The following PPP4R4 variants were observed in gnomAD, a reference collection of about 807,000 sequenced individuals.
The protein encoded by PPP4R4 is protein phosphatase 4 regulatory subunit 4, also known as serine/threonine-protein phosphatase 4 regulatory subunit 4.
PPP4R4 carries 70 observed loss-of-function variants against 121.8 expected under a neutral mutation model. The ratio of observed to expected loss-of-function variants is 0.57; its 90% CI spans 0.47 to 0.70. The LOEUF (loss-of-function observed/expected upper bound fraction) is 0.70, where lower values mean the gene tolerates loss of function less well. Among genes scored for constraint, PPP4R4 ranks in the 30% least tolerant of loss-of-function variants. PPP4R4 has a pLI of 0.00. For synonymous variants in PPP4R4, 348 were observed against 355.7 expected (o/e 0.98, Z 0.24); for missense variants, 875 against 1,033.6 (o/e 0.85, Z 2.10).
At chr14:94,180,340 ACAAATCAT>A (rs1270191286) in intron 2 of PPP4R4, among the ~76,000 whole-genome samples, 1 of 152,240 alleles carries the variant, frequency 6.6e-6, no homozygotes, top group Non-Finnish European at 1.5e-5. Context: ...TAGAATCTTC[ACAAATCAT>A]AATTAAGCAT....
At chr14:94,226,388 T>C (rs1891702170) in intron 3 of PPP4R4, among the ~76,000 whole-genome samples, 1 of 152,154 alleles carries the variant, frequency 6.6e-6, no homozygotes, top group Non-Finnish European at 1.5e-5. Flanking sequence ...TATCTCCCTT[T>C]GTTATTTCTG....
At chr14:94,276,091 T>C (rs1894624581) in intron 24 of PPP4R4, among the ~76,000 whole-genome samples, 1 of 152,148 alleles carries the variant, frequency 6.6e-6, no homozygotes, top group Admixed American at 6.5e-5. Context: ...CTTAAATATT[T>C]AAGAGAGGGG....
chr14:94,257,677 T>C (rs995324084), intron 17 of PPP4R4, among the ~76,000 whole-genome samples: 4 of 104,740 alleles, frequency 3.8e-5, no homozygotes, highest in African/African-American at 1.6e-4. Flanking sequence ...ACACACACAC[T>C]TGTTTCTACC....
intron 3 of PPP4R4, among the ~76,000 whole-genome samples, chr14:94,220,120 G>A (rs1891305799): frequency 6.6e-6 from 1 of 152,194 alleles, no homozygotes. Context: ...TACTCAGGAA[G>A]CTGAGGCAGG....
At position 94,250,260 on chromosome 14, in the gene PPP4R4, T is replaced by C; in HGVS notation, c.1700T>C (p.Ile567Thr). ...AAACAAGAACAGAGACATGAGGTCA[T>C]TCAAAAATTAATTGAACGTAAGTAA... ...NRKQEQRHEVIQKLIEQLGQG... is the reference protein window; with the variant it reads ...NRKQEQRHEVTQKLIEQLGQG... Residue 567 changes from isoleucine to threonine, a missense_variant, in exon 15 of 25, where the codon ATT becomes ACT. Transcript: ENST00000304338. 1 of 1,604,378 alleles carries C rather than the reference T, an allele frequency of 6.2e-7. No individual in the cohort carries two copies. The highest frequency in any genetic ancestry group is 2.2e-5 in the East Asian group (1 of 44,786).
chr14:94,275,731 A>G (rs556924415), intron 24 of PPP4R4, among the ~76,000 whole-genome samples: 8 of 152,332 alleles, frequency 5.3e-5, no homozygotes, highest in African/African-American at 1.9e-4. Context: ...AACCTTAGGG[A>G]ATCAACAGGA....
chr14:94,225,544 A>C (rs1267422886), intron 3 of PPP4R4, among the ~76,000 whole-genome samples: 2 of 151,854 alleles, frequency 1.3e-5, no homozygotes, highest in African/African-American at 4.8e-5. Flanking sequence ...GTTAAGTAAG[A>C]CTCTACTGCC....
At chr14:94,245,496 A>C (rs1042747263) in intron 12 of PPP4R4, 91 bp from the exon 13 acceptor site, 33 of 584,078 alleles carry the variant, frequency 5.6e-5, no homozygotes, top group Admixed American at 1.0e-4. Flanking sequence ...AAAAAAAAAA[A>C]CCACTACTAC....
chr14:94,194,939 A>G (rs1038607001), intron 2 of PPP4R4, among the ~76,000 whole-genome samples: 6 of 152,066 alleles, frequency 3.9e-5, no homozygotes, highest in Admixed American at 1.3e-4. Context: ...AACTCCTTAT[A>G]CTTTTCTCTA....
At chr14:94,193,694 G>A (rs1889720497) in intron 2 of PPP4R4, among the ~76,000 whole-genome samples, 1 of 152,072 alleles carries the variant, frequency 6.6e-6, no homozygotes, top group Non-Finnish European at 1.5e-5. Context: ...AATGTGATGA[G>A]GGTGAAATGT....
chr14:94,268,841 C>A (rs1007920417), intron 23 of PPP4R4, among the ~76,000 whole-genome samples: 2 of 152,144 alleles, frequency 1.3e-5, no homozygotes, highest in East Asian at 3.9e-4. Context: ...CCGGGTCCCT[C>A]CCACAACACA....
intron 2 of PPP4R4, among the ~76,000 whole-genome samples, chr14:94,177,372 C>T (rs1458714605): frequency 1.3e-5 from 2 of 152,176 alleles, no homozygotes; most frequent in African/African-American, 2.4e-5. Context: ...TGGGTGTTTA[C>T]TTAGAGAATA....
Position 94,237,807 on chromosome 14 carries a change from CT to C in PPP4R4, c.853+126del, listed in dbSNP as rs1279581674. 1.0e-5 allele frequency: 13 copies of C among 1,250,302 alleles called. No individual in the cohort carries two copies. In the African/African-American group the frequency reaches 1.5e-4, roughly 15 times the overall value. The allele number at this position is 1,250,302 out of a possible 1,614,324, so 77.5% of individuals were successfully genotyped here. On this transcript the variant is annotated intron_variant, in intron 8 of 24. Coordinates refer to ENST00000304338, the MANE Select transcript of PPP4R4 (RefSeq NM_058237.2). ...ATGTTAAGCCTCCCTTCCTCTCCCT[CT>C]TTTTATGATTCATTCTGTTTTCGTG... is the stretch of plus-strand genomic sequence containing the variant.
At chr14:94,264,762 C>A in intron 19 of PPP4R4, 116 bp from the exon 20 acceptor site, 2 of 782,810 alleles carry the variant, frequency 2.6e-6, no homozygotes, top group Non-Finnish European at 4.3e-6. Flanking sequence ...GAAAAAAATA[C>A]TTCTTTTAGG....
At chr14:94,176,914 A>G (rs1888709636) in intron 2 of PPP4R4, among the ~76,000 whole-genome samples, 1 of 151,672 alleles carries the variant, frequency 6.6e-6, no homozygotes, top group Non-Finnish European at 1.5e-5. Flanking sequence ...TTTTTTTTCC[A>G]GAATCAGGTT....
rs1566683340 is a variant in PPP4R4, at chr14:94,241,830, A to G, written c.1019A>G (p.Tyr340Cys). 1 of 1,598,834 alleles carries G rather than the reference A, an allele frequency of 6.3e-7. No individual in the cohort carries two copies. Among genetic ancestry groups the G allele is most frequent in the Non-Finnish European group, 8.5e-7 (1 of 1,175,856 alleles). Residue 340 changes from tyrosine to cysteine, a missense_variant, in exon 10 of 25, where the codon TAT becomes TGT. By Grantham distance (194) the Tyr-to-Cys change is radical. Coordinates refer to ENST00000304338, the MANE Select transcript of PPP4R4 (RefSeq NM_058237.2). ...CAGCACTTGAGATTTTTGGAATTTTATAAGAAACTTTGTACATTGGGTTTG... is the reference window on the plus strand; with the variant it reads ...CAGCACTTGAGATTTTTGGAATTTTGTAAGAAACTTTGTACATTGGGTTTG... ...PDQHLRFLEF[Y>C]KKLCTLGLQQ...
chr14:94,234,815 A>T, intron 7 of PPP4R4, 146 bp downstream of exon 7: 2 of 654,696 alleles, frequency 3.1e-6, no homozygotes, highest in South Asian at 3.8e-5. Context: ...GCATGGTGGT[A>T]GGCGTTTGAT....
At position 94,279,515 on chromosome 14, in the gene PPP4R4, G is replaced by T. The variant is rs528708637; in HGVS notation, c.*872G>T. ...TACAGTTCTTAATTTTAAACTGTCAGTTCTTGAGATATACCGTGTGAAGCT... is the reference window on the plus strand; with the variant it reads ...TACAGTTCTTAATTTTAAACTGTCATTTCTTGAGATATACCGTGTGAAGCT... On this transcript the variant is annotated 3_prime_UTR_variant, in exon 25 of 25. Transcript: ENST00000304338. 6.6e-6 allele frequency: 1 copy of T among 152,580 alleles called. No individual in the cohort carries two copies. The highest frequency in any genetic ancestry group is 2.4e-5 in the African/African-American group (1 of 41,528). The allele number at this position is 152,580 out of a possible 1,614,324, so 9.5% of individuals were successfully genotyped here.
At chr14:94,176,305 CTT>C in intron 2 of PPP4R4, among the ~76,000 whole-genome samples, 178 bp downstream of exon 2, 1 of 152,260 alleles carries the variant, frequency 6.6e-6, no homozygotes, top group African/African-American at 2.4e-5. Context: ...GGACTTATGA[CTT>C]TGAGAATTTA....
Sources: gnomAD v4.1 joint callset for allele counts (sites outside exome capture counted in the v4.1 genomes callset) on GRCh38, gnomAD v4.1.1 for gene constraint, MANE v1.5 for transcripts, NCBI Gene and HGNC (gene_info 2026-07-23, HGNC 2026-07-21) for gene names.